Variants in WSCD2 observed in about 807,000 individuals in gnomAD.
WSCD2 encodes sialate:O-sulfotransferase 2.
In WSCD2, 28 loss-of-function variants were observed where a neutral mutation model predicts 55.7. That is an observed-to-expected ratio of 0.50 (90% CI 0.37 to 0.69). The LOEUF is 0.69. Ranked by LOEUF, WSCD2 falls within the 30% of genes least tolerant of loss-of-function variation. The pLI is 0.00. For missense variants in WSCD2, 616 were observed against 762.1 expected (o/e 0.81, Z 2.26); for synonymous variants, 301 against 301.9 (o/e 1.00, Z 0.03).
chr12:108,202,121 C>T lies in WSCD2; in HGVS notation c.383-4168C>T, dbSNP rs138023525. 9.0e-4 allele frequency among the ~76,000 whole-genome samples: 137 copies of T among 152,228 alleles called. 3 individuals carry two copies. In the East Asian group the frequency reaches 0.022, roughly 24 times the overall value. ...GAGGAACGGCTGAAGAGGATTTTAG[C>T]GGGCTGGCAGTAACCACGCTAATGA... On this transcript the variant is annotated intron_variant, in intron 2 of 8. Coordinates refer to ENST00000547525, the MANE Select transcript of WSCD2 (RefSeq NM_014653.4).
chr12:108,205,826 A>G, intron 2 of WSCD2, among the ~76,000 whole-genome samples: 1 of 152,236 alleles, frequency 6.6e-6, no homozygotes, highest in Admixed American at 6.5e-5. Context: ...CCATGCTAGG[A>G]GGTAAACGAA....
At chr12:108,158,460 G>T (rs1878740562) in intron 1 of WSCD2, among the ~76,000 whole-genome samples, 1 of 151,878 alleles carries the variant, frequency 6.6e-6, no homozygotes, top group Non-Finnish European at 1.5e-5. Flanking sequence ...ACAAGTCCCT[G>T]GGGCGGGCGG....
intron 4 of WSCD2, among the ~76,000 whole-genome samples, chr12:108,211,469 C>T (rs1886129841): frequency 1.3e-5 from 2 of 152,046 alleles, no homozygotes; most frequent in Non-Finnish European, 2.9e-5. Flanking sequence ...TTTTGAGCCT[C>T]TGTGGATCTC....
chr12:108,191,852 C>A (rs1480023078), intron 1 of WSCD2, among the ~76,000 whole-genome samples: 2 of 152,126 alleles, frequency 1.3e-5, no homozygotes, highest in African/African-American at 4.8e-5. Flanking sequence ...TGGACACAGC[C>A]CCTCTCCACA....
At chr12:108,140,721 C>G (rs1198371379) in intron 1 of WSCD2, among the ~76,000 whole-genome samples, 3 of 152,180 alleles carry the variant, frequency 2.0e-5, no homozygotes, top group African/African-American at 7.2e-5. Flanking sequence ...GCCCCCTGAC[C>G]CCCTGCCAGC....
rs1347196584 is a variant in WSCD2 at position 108,195,672 on chromosome 12, G to A, written c.-161G>A. ...ATGGCCTCAGCCAAGCATTGAACTT[G>A]CCCTCCCCTTCTGGCCTTGGTGATC... is the stretch of plus-strand genomic sequence containing the variant. On this transcript the variant is annotated 5_prime_UTR_variant, in exon 2 of 9. Transcript: ENST00000547525. 1.0e-6 allele frequency: 1 copy of A among 991,378 alleles called. No individual in the cohort carries two copies. The allele number at this position is 991,378 out of a possible 1,614,324, so 61.4% of individuals were successfully genotyped here. A position where few individuals can be genotyped will look rare whatever the true frequency, so the allele number is the denominator to read the frequency against.
intron 6 of WSCD2, among the ~76,000 whole-genome samples, chr12:108,231,162 C>T (rs1291248185): frequency 6.6e-6 from 1 of 152,052 alleles, no homozygotes; most frequent in African/African-American, 2.4e-5. Flanking sequence ...GGTGAGGGGC[C>T]ATGGGAGGTG....
intron 1 of WSCD2, among the ~76,000 whole-genome samples, chr12:108,152,938 A>G (rs138200615): frequency 2.3e-4 from 35 of 152,258 alleles, no homozygotes; most frequent in Non-Finnish European, 3.8e-4. Context: ...CCCTGTCTCT[A>G]CTAAAAAATA....
At chr12:108,224,481 A>G (rs1348767824) in intron 4 of WSCD2, among the ~76,000 whole-genome samples, 1 of 152,226 alleles carries the variant, frequency 6.6e-6, no homozygotes, top group African/African-American at 2.4e-5. Flanking sequence ...CCCAGAAAGA[A>G]TCTCATCTCA....
intron 1 of WSCD2, among the ~76,000 whole-genome samples, chr12:108,178,866 T>C (rs573275167): frequency 6.6e-6 from 1 of 152,320 alleles, no homozygotes; most frequent in South Asian, 2.1e-4. Flanking sequence ...CACAACCGCC[T>C]ACGTAGAAAA....
intron 5 of WSCD2, among the ~76,000 whole-genome samples, chr12:108,225,655 C>A (rs78598169): frequency 6.6e-6 from 1 of 152,128 alleles, no homozygotes; most frequent in East Asian, 1.9e-4. Flanking sequence ...GATCTTTCTT[C>A]GGCCTAAGGA....
intron 1 of WSCD2, among the ~76,000 whole-genome samples, chr12:108,168,137 TG>T (rs1486108628): frequency 6.6e-6 from 1 of 152,208 alleles, no homozygotes; most frequent in Non-Finnish European, 1.5e-5. Flanking sequence ...GAGTGATGAA[TG>T]GGGGCAACAT....
At chr12:108,245,611 G>A (rs759345149) in intron 8 of WSCD2, among the ~76,000 whole-genome samples, 1 of 152,214 alleles carries the variant, frequency 6.6e-6, no homozygotes, top group African/African-American at 2.4e-5. Context: ...GATCTGTGTT[G>A]TTGCTGGGTG....
At chr12:108,185,409 A>T (rs575318206) in intron 1 of WSCD2, among the ~76,000 whole-genome samples, 9 of 152,168 alleles carry the variant, frequency 5.9e-5, no homozygotes, top group African/African-American at 1.9e-4. Context: ...TGCCTGGGAC[A>T]TTCTTGCCCC....
Position 108,206,271 on chromosome 12 carries a change from G to A in WSCD2, c.383-18G>A, listed in dbSNP as rs373995368. 115 of 1,612,062 alleles carry A rather than the reference G, an allele frequency of 7.1e-5. No individual in the cohort carries two copies. Among genetic ancestry groups the A allele is most frequent in the Middle Eastern group, 5.0e-4 (3 of 6,058 alleles). The stretch of plus-strand genomic sequence containing the variant: ...AGCTTTGTCCCCAGCCACCTTTGAC[G>A]TTTTCCTTTCCCCAAAGCCAAGTAC... On this transcript the variant is annotated intron_variant, in intron 2 of 8. Transcript: ENST00000547525.
chr12:108,140,651 C>T (rs970813881), intron 1 of WSCD2, among the ~76,000 whole-genome samples: 3 of 152,176 alleles, frequency 2.0e-5, no homozygotes, highest in Non-Finnish European at 4.4e-5. Context: ...GTCTTCTCCC[C>T]TGGACCGCCC....
intron 4 of WSCD2, among the ~76,000 whole-genome samples, chr12:108,218,360 G>A (rs1412497216): frequency 6.6e-6 from 1 of 152,206 alleles, no homozygotes; most frequent in African/African-American, 2.4e-5. Flanking sequence ...CTGTTCCTCA[G>A]CCAGGATGGC....
chr12:108,216,323 A>G (rs115631507), intron 4 of WSCD2, among the ~76,000 whole-genome samples: 115 of 152,372 alleles, frequency 7.5e-4, no homozygotes, highest in African/African-American at 2.6e-3. Flanking sequence ...TACACACAAC[A>G]TACTTAGCAC....
chr12:108,196,038 A>C lies in WSCD2; in HGVS notation c.206A>C (p.Asp69Ala), dbSNP rs759121769. ...GGTGCTGAGCTGTCCTTCTTGGGTG[A>C]CATGCATCTGGGCAGAGGTTTCCGG... ...AEGAELSFLGDMHLGRGFRDT... is the reference protein window; with the variant it reads ...AEGAELSFLGAMHLGRGFRDT... The change falls in exon 2 of 9, where the codon GAC (aspartate) becomes GCC (alanine). Residue 69 changes from aspartate to alanine, a missense_variant. Around this residue, in one of 3 missense-constraint regions of WSCD2, gnomAD observed 374 missense variants for 467.4 expected, o/e 0.80. Coordinates refer to ENST00000547525, the MANE Select transcript of WSCD2 (RefSeq NM_014653.4). 6.2e-7 allele frequency: 1 copy of C among 1,614,146 alleles called. No homozygotes were observed. Among genetic ancestry groups the C allele is most frequent in the Admixed American group, 1.7e-5 (1 of 60,022 alleles).
Sources: allele counts gnomAD v4.1 joint callset (sites outside exome capture counted in the v4.1 genomes callset), GRCh38; gene constraint gnomAD v4.1.1; regional missense constraint gnomAD v4.1.1; transcripts MANE v1.5; gene names NCBI Gene and HGNC (gene_info 2026-07-23, HGNC 2026-07-21).